Variants in GNB1 observed in about 807,000 individuals in gnomAD.
The protein encoded by GNB1 is guanine nucleotide-binding protein G(I)/G(S)/G(T) subunit beta-1.
Under a neutral mutation model 42.9 loss-of-function variants are expected in GNB1, and 2 were observed. The observed-to-expected ratio is 0.05, with a 90% CI of 0.02 to 0.15. The LOEUF (loss-of-function observed/expected upper bound fraction) is 0.15, where lower values mean the gene tolerates loss of function less well. Ranked by LOEUF, GNB1 falls within the 10% of genes least tolerant of loss-of-function variation. GNB1 has a pLI of 1.00. For synonymous variants in GNB1, 183 were observed against 174.7 expected (o/e 1.05, Z -0.38); for missense variants, 193 against 462.2 (o/e 0.42, Z 5.34).
chr1:1,876,514 A>AGC (rs1553206475), intron 1 of GNB1, among the ~76,000 whole-genome samples: 2 of 149,866 alleles, frequency 1.3e-5, no homozygotes, highest in Admixed American at 6.6e-5. Context: ...AGAGAGAGAG[A>AGC]GCGAGCGTGC....
chr1:1,876,514 A>AGAGAGAGAGAGAGAGAGAGC (rs1491127351), intron 1 of GNB1, among the ~76,000 whole-genome samples: 1 of 149,866 alleles, frequency 6.7e-6, no homozygotes, highest in African/African-American at 2.5e-5. Context: ...AGAGAGAGAG[A>AGAGAGAGAGAGAGAGAGAGC]GCGAGCGTGC....
intron 1 of GNB1, among the ~76,000 whole-genome samples, chr1:1,844,657 T>G (rs962395547): frequency 1.3e-5 from 2 of 152,154 alleles, no homozygotes; most frequent in Non-Finnish European, 2.9e-5. Context: ...ATCAACATAA[T>G]CCTAAGATGG....
chr1:1,882,002 C>T (rs1210360021), intron 1 of GNB1, among the ~76,000 whole-genome samples: 1 of 152,120 alleles, frequency 6.6e-6, no homozygotes, highest in East Asian at 1.9e-4. Context: ...GAGAAGCTGC[C>T]ACTGAACTCT....
At chr1:1,879,682 G>A (rs12133865) in intron 1 of GNB1, among the ~76,000 whole-genome samples, 37,875 of 149,412 alleles carry the variant, frequency 0.25, 5,021 homozygotes, top group African/African-American at 0.29. Flanking sequence ...TCCAGCCTGG[G>A]TGACAGAGTG....
At chr1:1,807,176 T>C (rs1380684376) in intron 5 of GNB1, among the ~76,000 whole-genome samples, 1 of 151,852 alleles carries the variant, frequency 6.6e-6, no homozygotes, top group East Asian at 1.9e-4. Flanking sequence ...TTTGGTTTCA[T>C]TACAAATCAA....
intron 7 of GNB1, among the ~76,000 whole-genome samples, chr1:1,803,458 T>A (rs1646652900): frequency 6.6e-6 from 1 of 152,144 alleles, no homozygotes; most frequent in South Asian, 2.1e-4. Flanking sequence ...TGTTTTTCAT[T>A]TTTTGTAGAG....
intron 1 of GNB1, among the ~76,000 whole-genome samples, chr1:1,885,064 A>T (rs1324134930): frequency 6.6e-6 from 1 of 152,116 alleles, no homozygotes; most frequent in African/African-American, 2.4e-5. Flanking sequence ...TGGAGCAATG[A>T]ATTATTAAAT....
intron 1 of GNB1, among the ~76,000 whole-genome samples, chr1:1,877,276 G>A (rs1649594988): frequency 1.4e-5 from 2 of 146,972 alleles, no homozygotes; most frequent in Admixed American, 1.4e-4. Flanking sequence ...CTCCAGCCTG[G>A]GCAATAAGTG....
chr1:1,790,909 C>T lies in GNB1; in HGVS notation c.498-313G>A, dbSNP rs963309754. Among the ~76,000 whole-genome samples, 10 of 152,110 alleles carry T rather than the reference C, an allele frequency of 6.6e-5. No individual in the cohort carries two copies. The highest frequency in any genetic ancestry group is 1.3e-4 in the Non-Finnish European group (9 of 68,032). ...TTCAAGCAGCACCACTGAGGCTGTG[C>T]CCCCTCTTTGGTCATGGATGGGCAT... is the stretch of plus-strand genomic sequence containing the variant. On this transcript the variant is annotated intron_variant, in intron 8 of 11. Coordinates refer to ENST00000378609, the MANE Select transcript of GNB1 (RefSeq NM_002074.5). This position sits in a 1 kb window ranked among gnomAD's most constrained non-coding sequence, Gnocchi z 5.4.
chr1:1,822,934 G>C (rs997529192), intron 3 of GNB1, among the ~76,000 whole-genome samples: 2 of 152,004 alleles, frequency 1.3e-5, no homozygotes, highest in African/African-American at 4.8e-5. Flanking sequence ...GACATTTTCA[G>C]GGTAAACTTT....
chr1:1,834,569 T>C (rs1232937848), intron 2 of GNB1, among the ~76,000 whole-genome samples: 1 of 151,956 alleles, frequency 6.6e-6, no homozygotes, highest in Non-Finnish European at 1.5e-5. Context: ...TCTCATGAAA[T>C]GAATGGCATC....
At chr1:1,827,029 C>A (rs181380036) in intron 2 of GNB1, among the ~76,000 whole-genome samples, 8 of 152,318 alleles carry the variant, frequency 5.3e-5, no homozygotes, top group East Asian at 1.9e-4. Flanking sequence ...ATAAATTACA[C>A]AGAGGATCAA....
chr1:1,844,961 C>A (rs769076357), intron 1 of GNB1, among the ~76,000 whole-genome samples: 1 of 152,158 alleles, frequency 6.6e-6, no homozygotes, highest in African/African-American at 2.4e-5. Flanking sequence ...CCAAATAATT[C>A]TTTAATTCAA....
rs1463034783 is a variant in GNB1 at position 1,798,157 on chromosome 1, A to G, written c.431-4846T>C. ...TTGAAGATGTGAAAGTGAGGCTCAG[A>G]GGGTTGCACAGAGGAGTGCCCGGGC... On this transcript the variant is annotated intron_variant, in intron 7 of 11. Transcript: ENST00000378609. 2.6e-5 allele frequency among the ~76,000 whole-genome samples: 4 copies of G among 152,210 alleles called. No homozygotes were observed. In the East Asian group the frequency reaches 7.7e-4, roughly 29 times the overall value.
chr1:1,858,383 T>C (rs887731499), intron 1 of GNB1, among the ~76,000 whole-genome samples: 10 of 152,322 alleles, frequency 6.6e-5, no homozygotes, highest in African/African-American at 1.4e-4. Flanking sequence ...ACTTGTACCA[T>C]AGAAGCCATA....
intron 1 of GNB1, among the ~76,000 whole-genome samples, chr1:1,885,117 A>C (rs1216312840): frequency 6.6e-6 from 1 of 152,074 alleles, no homozygotes. Flanking sequence ...TCAACAGAAT[A>C]AACTTAAAAA....
rs1375654687 is a variant in GNB1 at position 1,790,194 on chromosome 1, A to G, written c.699+201T>C. 1.3e-5 allele frequency among the ~76,000 whole-genome samples: 2 copies of G among 152,182 alleles called. No individual in the cohort carries two copies. The highest frequency in any genetic ancestry group is 6.5e-5 in the Admixed American group (1 of 15,268). The stretch of plus-strand genomic sequence containing the variant: ...GAGGTGGGAACGGGGACTGGCATAC[A>G]ACACCCTGTGAGTATCTGTGAGACA... On this transcript the variant is annotated intron_variant, in intron 9 of 11. Coordinates refer to ENST00000378609, the MANE Select transcript of GNB1 (RefSeq NM_002074.5). The surrounding 1 kb of genome is among the most constrained non-coding windows in gnomAD (Gnocchi z 5.4).
intron 9 of GNB1, 116 bp from the exon 10 acceptor site, chr1:1,789,385 T>A: frequency 1.5e-6 from 1 of 671,666 alleles, no homozygotes; most frequent in Non-Finnish European, 2.7e-6. Flanking sequence ...CCAGCAAGAC[T>A]GTGCTCTGGT....
chr1:1,795,214 G>A lies in GNB1; in HGVS notation c.431-1903C>T, dbSNP rs181129031. On this transcript the variant is annotated intron_variant, in intron 7 of 11. Transcript: ENST00000378609. ...GCCCTGCAGCTTGCTGTCGTGCCCC[G>A]CAGCTCACTGTCATGCTCCCGGGTC... Among the ~76,000 whole-genome samples the A allele has an allele frequency of 1.1e-4, 16 of 152,186 alleles. 1 individual carries two copies. The East Asian group carries it at 3.1e-3, about 29-fold the overall frequency.
Sources: allele counts gnomAD v4.1 joint callset (sites outside exome capture counted in the v4.1 genomes callset), GRCh38; gene constraint gnomAD v4.1.1; non-coding constraint Gnocchi (gnomAD v3.1); transcripts MANE v1.5; gene names NCBI Gene and HGNC (gene_info 2026-07-23, HGNC 2026-07-21).